ERICH3: variants seen among roughly 807,000 people sequenced by gnomAD.
ERICH3 encodes glutamate rich 3, also known as glutamate-rich protein 3.
A neutral mutation model predicts 131.1 loss-of-function variants in ERICH3; 126 were observed. The observed-to-expected ratio is 0.96, with a 90% CI of 0.83 to 1.11. The LOEUF is 1.11. Ranked by LOEUF, ERICH3 falls within the 50% of genes most tolerant of loss-of-function variation. The probability of loss-of-function intolerance (pLI) is 0.00; values close to 1 mark genes in which losing one functional copy is unlikely to be tolerated. For missense variants in ERICH3, 2,050 were observed against 1,810.7 expected, an observed-to-expected ratio of 1.13 and a Z score of -2.40; for synonymous variants, 695 against 644.6, an observed-to-expected ratio of 1.08 and a Z score of -1.18.
At chr1:74,654,475 A>G (rs982804847) in intron 1 of ERICH3, among the ~76,000 whole-genome samples, 1 of 152,090 alleles carries the variant, frequency 6.6e-6, no homozygotes, top group Non-Finnish European at 1.5e-5. Context: ...TAGCTTAAAC[A>G]AACACTATTT....
In ERICH3 at chr1:74,636,302, T is replaced by C; in HGVS notation, c.581A>G (p.Asn194Ser). 2 of 1,607,552 alleles carry C rather than the reference T, an allele frequency of 1.2e-6. No individual in the cohort carries two copies. Among genetic ancestry groups the C allele is most frequent in the Non-Finnish European group, 1.7e-6 (2 of 1,176,728 alleles). ...RSRSKTSLLE[N>S]EALFPIGGKK... The stretch of plus-strand genomic sequence containing the variant: ...TACCCCAATGGGAAACAGAGCTTCA[T>C]TTTCCAGCAATGAGGTTTTTGATCT... Residue 194 changes from asparagine (N) to serine (S), a missense_variant, in exon 6 of 15, where the codon AAT becomes AGT. Asn to Ser is a conservative substitution (Grantham distance 46). Transcript: ENST00000326665.
chr1:74,619,954 G>C (rs1570880037), intron 8 of ERICH3, among the ~76,000 whole-genome samples: 1 of 152,192 alleles, frequency 6.6e-6, no homozygotes, highest in Non-Finnish European at 1.5e-5. Flanking sequence ...AGGGAAATCA[G>C]AAAGACTAAA....
intron 10 of ERICH3, among the ~76,000 whole-genome samples, chr1:74,604,539 T>A (rs984666227): frequency 6.6e-6 from 1 of 151,926 alleles, no homozygotes; most frequent in Non-Finnish European, 1.5e-5. Context: ...CCTTAAAGAA[T>A]AAGATCTAAA....
Position 74,636,411 on chromosome 1 carries a change from C to T in ERICH3, c.472G>A (p.Gly158Arg). ...AATCGAATTGGAGGCTGCATATTTC[C>T]TGGAGCAGTATATGGTCGAGGGGCT... ...LTAPRPYTAPGNMQPPIRLQP... is the reference protein window; with the variant it reads ...LTAPRPYTAPRNMQPPIRLQP... Residue 158 changes from glycine to arginine, a missense_variant, in exon 6 of 15, where the codon GGA becomes AGA. Transcript: ENST00000326665. 6.2e-7 allele frequency: 1 copy of T among 1,612,740 alleles called. No individual in the cohort carries two copies. Among genetic ancestry groups the T allele is most frequent in the Non-Finnish European group, 8.5e-7 (1 of 1,179,160 alleles).
intron 1 of ERICH3, among the ~76,000 whole-genome samples, chr1:74,651,648 T>C (rs1448805842): frequency 6.6e-6 from 1 of 152,102 alleles, no homozygotes; most frequent in Admixed American, 6.6e-5. Context: ...TTAAGATAAA[T>C]CATTAGAGTG....
intron 11 of ERICH3, among the ~76,000 whole-genome samples, chr1:74,594,273 CGTGTGTGTGTGTGT>C (rs10655150): frequency 9.0e-5 from 13 of 144,788 alleles, no homozygotes; most frequent in East Asian, 2.0e-4. Context: ...AAAAATGGGG[CGTGTGTGTGTGTGT>C]GTGTGTGTGT....
rs771976006 is a variant in ERICH3, at chr1:74,571,906, T to C, written c.3804A>G (p.Leu1268=). 3.7e-6 allele frequency: 6 copies of C among 1,612,442 alleles called. No homozygotes were observed. The highest frequency in any genetic ancestry group is 1.7e-5 in the Admixed American group (1 of 60,008). Residue 1268 remains leucine, a synonymous_variant, in exon 14 of 15, where the codon CTA becomes CTG. Coordinates refer to ENST00000326665, the MANE Select transcript of ERICH3 (RefSeq NM_001002912.5). ...AEGQGGVDVV[L]RTQEAVAEED... ...CCTCAGCAACAGCTTCCTGGGTCCT[T>C]AGCACGACATCCACTCCTCCTTGCC...
At chr1:74,649,706 C>T (rs997770368) in intron 1 of ERICH3, among the ~76,000 whole-genome samples, 2 of 152,118 alleles carry the variant, frequency 1.3e-5, no homozygotes, top group African/African-American at 2.4e-5. Context: ...ATTCTTCCAG[C>T]GTCTCATGTC....
At chr1:74,619,525 G>T (rs1257797810) in intron 8 of ERICH3, among the ~76,000 whole-genome samples, 1 of 152,160 alleles carries the variant, frequency 6.6e-6, no homozygotes, top group Non-Finnish European at 1.5e-5. Context: ...GAAACTCCAT[G>T]CTACTCAGAA....
intron 5 of ERICH3, among the ~76,000 whole-genome samples, chr1:74,637,894 G>A (rs1403744103): frequency 6.6e-6 from 1 of 151,124 alleles, no homozygotes; most frequent in African/African-American, 2.4e-5. Context: ...CTGGGCCACA[G>A]AGTGGGATGC....
chr1:74,657,500 A>G (rs567702704), intron 1 of ERICH3, among the ~76,000 whole-genome samples: 36 of 152,190 alleles, frequency 2.4e-4, no homozygotes, highest in Non-Finnish European at 4.7e-4. Context: ...TTTATATTAC[A>G]TTCTTCATTC....
rs200867600 is a variant in ERICH3 at position 74,589,619 on chromosome 1, G to A, written c.2176+12C>T. The A allele has an allele frequency of 1.3e-3, 2,054 of 1,611,218 alleles. 4 individuals are homozygous for A. Among genetic ancestry groups the A allele is most frequent in the Middle Eastern group, 5.8e-3 (35 of 6,040 alleles). On this transcript the variant is annotated intron_variant, in intron 12 of 14. Transcript: ENST00000326665. ...GAGGATGATGGCAGCTCAACTCAAC[G>A]GCCATACTTACCACCTTCCTCCAAC... is the stretch of plus-strand genomic sequence containing the variant.
intron 12 of ERICH3, among the ~76,000 whole-genome samples, chr1:74,581,226 G>A (rs1378915114): frequency 6.6e-6 from 1 of 152,144 alleles, no homozygotes; most frequent in African/African-American, 2.4e-5. Flanking sequence ...AATAGTTGGA[G>A]TGATTTCCCA....
chr1:74,617,216 C>A (rs530120906), intron 8 of ERICH3, among the ~76,000 whole-genome samples: 5 of 149,098 alleles, frequency 3.4e-5, no homozygotes, highest in African/African-American at 1.2e-4. Context: ...CAACAATAAC[C>A]TTTGATAGGG....
chr1:74,590,043 G>A lies in ERICH3; in HGVS notation c.1764C>T (p.His588=), dbSNP rs768737964. The change falls in exon 12 of 15, where the codon CAC becomes CAT. Residue 588 remains histidine, a synonymous_variant. Coordinates refer to ENST00000326665, the MANE Select transcript of ERICH3 (RefSeq NM_001002912.5). The part of the protein sequence containing the change: ...KTASSTSSRS[H]PYSSDSEDES... The stretch of plus-strand genomic sequence containing the variant: ...CATCCTCACTGTCACTAGAATAAGG[G>A]TGACTTCTGGATGAGGTTGATGAAG... The A allele has an allele frequency of 6.8e-6, 11 of 1,612,974 alleles. No individual in the cohort carries two copies.
rs1282609020 is a variant in ERICH3, at chr1:74,573,569, A to T, written c.2219-78T>A. 7.3e-6 allele frequency: 10 copies of T among 1,375,350 alleles called. No homozygotes were observed. The Admixed American group carries it at 1.5e-4, about 21-fold the overall frequency. The allele number at this position is 1,375,350 out of a possible 1,614,324, so 85.2% of individuals were successfully genotyped here. On this transcript the variant is annotated intron_variant, in intron 13 of 14. Coordinates refer to ENST00000326665, the MANE Select transcript of ERICH3 (RefSeq NM_001002912.5). ...AGGGGACACTATAATCTTATATCAC[A>T]CTTATTTACAGTGTGAGATATTTAT...
intron 9 of ERICH3, 34 bp from the exon 10 acceptor site, chr1:74,606,936 C>T: frequency 6.4e-7 from 1 of 1,563,942 alleles, no homozygotes. Context: ...TGTTTGTTAA[C>T]CCTTGTAGAC....
At chr1:74,596,352 C>T (rs1278082454) in intron 11 of ERICH3, among the ~76,000 whole-genome samples, 1 of 151,760 alleles carries the variant, frequency 6.6e-6, no homozygotes, top group Non-Finnish European at 1.5e-5. Context: ...TTGTAATTGA[C>T]AAATAATTAT....
In ERICH3 at chr1:74,594,076, C is replaced by T. The variant is rs191328735; in HGVS notation, c.1727-3996G>A. ...TGGTCATTCTTAACTTTGTCCACCACTCCAAAGCTCAGAGTCCACTTAAAA... is the reference window on the plus strand; with the variant it reads ...TGGTCATTCTTAACTTTGTCCACCATTCCAAAGCTCAGAGTCCACTTAAAA... On this transcript the variant is annotated intron_variant, in intron 11 of 14. Coordinates refer to ENST00000326665, the MANE Select transcript of ERICH3 (RefSeq NM_001002912.5). Among the ~76,000 whole-genome samples, 14 of 152,164 alleles carry T rather than the reference C, an allele frequency of 9.2e-5. No individual in the cohort carries two copies. The East Asian group carries it at 2.3e-3, about 25-fold the overall frequency.
Sources: allele counts gnomAD v4.1 joint callset (sites outside exome capture counted in the v4.1 genomes callset), GRCh38; gene constraint gnomAD v4.1.1; transcripts MANE v1.5; gene names NCBI Gene and HGNC (gene_info 2026-07-23, HGNC 2026-07-21).